The following SOS2 variants were observed in gnomAD, a reference collection of about 807,000 sequenced individuals.
The protein encoded by SOS2 is SOS Ras/Rho guanine nucleotide exchange factor 2, also known as son of sevenless homolog 2.
A neutral mutation model predicts 148.2 loss-of-function variants in SOS2; 65 were observed. The ratio of observed to expected loss-of-function variants is 0.44; its 90% confidence interval spans 0.36 to 0.54. The LOEUF is 0.54. SOS2 is among the 20% of genes least tolerant of loss of function. SOS2 has a pLI of 0.00. For missense variants in SOS2, 1,341 were observed against 1,590.2 expected (o/e 0.84, Z 2.67); for synonymous variants, 539 against 537.1 (o/e 1.00, Z -0.05).
At chr14:50,130,424 T>C in intron 20 of SOS2, 77 bp downstream of exon 20, 1 of 1,216,084 alleles carries the variant, frequency 8.2e-7, no homozygotes, top group Non-Finnish European at 1.2e-6. Context: ...GATTCTATAG[T>C]TCCCTAATTA....
rs573166006 is a variant in SOS2, at chr14:50,144,767, G to A, written c.2667+403C>T. Among the ~76,000 whole-genome samples the A allele has an allele frequency of 5.3e-5, 8 of 152,016 alleles. No homozygotes were observed. The South Asian group carries it at 1.5e-3, about 28-fold the overall frequency. On this transcript the variant is annotated intron_variant, in intron 16 of 22. Coordinates refer to ENST00000216373, the MANE Select transcript of SOS2 (RefSeq NM_006939.4). Reference sequence around the variant, plus strand: ...TTAAGTTTTTGAAATAGTTCTTCCCGTGTTATACTATTGTTGACTACCTAA... The same window carrying A: ...TTAAGTTTTTGAAATAGTTCTTCCCATGTTATACTATTGTTGACTACCTAA...
intron 20 of SOS2, 60 bp from the exon 21 acceptor site, chr14:50,130,062 A>G: frequency 2.8e-6 from 3 of 1,056,440 alleles, no homozygotes; most frequent in Non-Finnish European, 4.3e-6. Flanking sequence ...TTATTTTTTA[A>G]ATGTTTCCAT....
At chr14:50,214,586 A>AGG (rs1886984920) in intron 1 of SOS2, among the ~76,000 whole-genome samples, 1 of 152,058 alleles carries the variant, frequency 6.6e-6, no homozygotes, top group African/African-American at 2.4e-5. Context: ...CTGAGGTGGG[A>AGG]GGATTCCTTG....
chr14:50,211,248 A>G (rs1192940480), intron 1 of SOS2, among the ~76,000 whole-genome samples: 2 of 152,180 alleles, frequency 1.3e-5, no homozygotes, highest in Non-Finnish European at 2.9e-5. Flanking sequence ...TGCTGAAATG[A>G]TTAGATTGGG....
At chr14:50,181,751 A>C (rs1364418194) in intron 6 of SOS2, among the ~76,000 whole-genome samples, 2 of 152,104 alleles carry the variant, frequency 1.3e-5, no homozygotes, top group African/African-American at 4.8e-5. Context: ...TATAAGGATA[A>C]GTTATCTCTG....
At chr14:50,147,596 T>C (rs981612370) in intron 14 of SOS2, among the ~76,000 whole-genome samples, 1 of 150,924 alleles carries the variant, frequency 6.6e-6, no homozygotes, top group Non-Finnish European at 1.5e-5. Flanking sequence ...ATTTTAAAAA[T>C]ATAAAGAGAA....
At chr14:50,184,947 G>A (rs1885860828) in intron 5 of SOS2, among the ~76,000 whole-genome samples, 1 of 151,754 alleles carries the variant, frequency 6.6e-6, no homozygotes, top group African/African-American at 2.4e-5. Context: ...GAGCTTCCTG[G>A]TTGCAGACCT....
chr14:50,164,755 G>A (rs557094412), intron 8 of SOS2, among the ~76,000 whole-genome samples: 5 of 152,230 alleles, frequency 3.3e-5, no homozygotes, highest in South Asian at 4.2e-4. Flanking sequence ...TTATCCACCC[G>A]GTGAATTTAG....
rs549134697 is a variant in SOS2 at position 50,175,200 on chromosome 14, A to G, written c.970-648T>C. ...TATTACATCAAGGTATGAGAACTTT[A>G]CAAGCTTCTCCTCTTCTTTATCCCA... On this transcript the variant is annotated intron_variant, in intron 7 of 22. Transcript: ENST00000216373. 3.3e-5 allele frequency among the ~76,000 whole-genome samples: 5 copies of G among 152,336 alleles called. No homozygotes were observed. In the South Asian group the frequency reaches 1.0e-3, roughly 32 times the overall value.
At chr14:50,158,157 TTGTA>T (rs1249864996) in intron 11 of SOS2, among the ~76,000 whole-genome samples, 2 of 152,130 alleles carry the variant, frequency 1.3e-5, no homozygotes, top group Non-Finnish European at 2.9e-5. Flanking sequence ...GTATCTGCTC[TTGTA>T]TGTGTTTTGA....
chr14:50,159,177 A>G (rs1270011351), intron 10 of SOS2, among the ~76,000 whole-genome samples: 2 of 152,000 alleles, frequency 1.3e-5, no homozygotes, highest in Non-Finnish European at 2.9e-5. Context: ...GCAACAGAGC[A>G]AGACTCTGTC....
intron 2 of SOS2, among the ~76,000 whole-genome samples, chr14:50,202,768 G>T (rs1204165902): frequency 6.6e-6 from 1 of 151,972 alleles, no homozygotes; most frequent in Non-Finnish European, 1.5e-5. Context: ...CAAACAATTG[G>T]CAGCAGAGAA....
intron 7 of SOS2, among the ~76,000 whole-genome samples, chr14:50,178,705 T>G (rs57739288): frequency 7.7e-6 from 1 of 129,380 alleles, no homozygotes. Flanking sequence ...TATATATATA[T>G]ATATATACAC....
intron 18 of SOS2, among the ~76,000 whole-genome samples, 156 bp from the exon 19 acceptor site, chr14:50,134,395 T>G (rs563711644): frequency 7.4e-4 from 113 of 152,314 alleles, no homozygotes; most frequent in African/African-American, 2.3e-3. Flanking sequence ...AGTTCACAAG[T>G]GTTGCTTATT....
chr14:50,217,324 T>C (rs562247707), intron 1 of SOS2, among the ~76,000 whole-genome samples: 1 of 152,118 alleles, frequency 6.6e-6, no homozygotes, highest in Non-Finnish European at 1.5e-5. Flanking sequence ...ATCAGCACCA[T>C]AAGACAAGGT....
chr14:50,191,870 TA>T (rs1886150098), intron 4 of SOS2, among the ~76,000 whole-genome samples: 1 of 151,948 alleles, frequency 6.6e-6, no homozygotes, highest in South Asian at 2.1e-4. Flanking sequence ...TTCAAAAATT[TA>T]AAAAACAAAC....
chr14:50,196,839 G>C (rs1886325320), intron 4 of SOS2, among the ~76,000 whole-genome samples: 1 of 145,892 alleles, frequency 6.9e-6, no homozygotes, highest in Non-Finnish European at 1.5e-5. Flanking sequence ...AACCAAGCTA[G>C]GGCTCCTAAT....
At chr14:50,194,023 G>A (rs1409308036) in intron 4 of SOS2, among the ~76,000 whole-genome samples, 2 of 152,172 alleles carry the variant, frequency 1.3e-5, no homozygotes, top group Non-Finnish European at 2.9e-5. Flanking sequence ...AGGATTACAG[G>A]TGTGAGCCAC....
chr14:50,164,631 CAA>C (rs201104460), intron 8 of SOS2, among the ~76,000 whole-genome samples: 16 of 127,698 alleles, frequency 1.3e-4, no homozygotes, highest in East Asian at 2.2e-4. Flanking sequence ...ATTCTGTCTC[CAA>C]AAAAAAAAAA....
Sources: allele counts gnomAD v4.1 joint callset (sites outside exome capture counted in the v4.1 genomes callset), GRCh38; gene constraint gnomAD v4.1.1; transcripts MANE v1.5; gene names NCBI Gene and HGNC (gene_info 2026-07-23, HGNC 2026-07-21).